The following SLC9C1 variants were observed in gnomAD, a reference collection of about 807,000 sequenced individuals.
SLC9C1 encodes the protein sodium/hydrogen exchanger 10.
Under a neutral mutation model 140.9 loss-of-function variants are expected in SLC9C1, and 97 were observed. The observed-to-expected ratio is 0.69, with a 90% CI of 0.58 to 0.82. The LOEUF (loss-of-function observed/expected upper bound fraction) is 0.82. Among genes scored for constraint, SLC9C1 ranks in the 40% least tolerant of loss-of-function variants. The pLI is 0.00. For missense variants in SLC9C1, 1,340 were observed against 1,389.3 expected (o/e 0.96, Z 0.56); for synonymous variants, 440 against 442.6 (o/e 0.99, Z 0.07).
chr3:112,222,755 G>A (rs1046949683), intron 13 of SLC9C1, among the ~76,000 whole-genome samples: 1 of 152,092 alleles, frequency 6.6e-6, no homozygotes, highest in Non-Finnish European at 1.5e-5. Flanking sequence ...GTGACTAAAA[G>A]ACATGGCCTC....
At chr3:112,257,559 T>C (rs1198935726) in intron 10 of SLC9C1, among the ~76,000 whole-genome samples, 1 of 152,154 alleles carries the variant, frequency 6.6e-6, no homozygotes, top group South Asian at 2.1e-4. Context: ...TCAAGATAGA[T>C]TAAAGACTTA....
chr3:112,157,212 A>G (rs2075150473), intron 26 of SLC9C1, among the ~76,000 whole-genome samples: 1 of 151,790 alleles, frequency 6.6e-6, no homozygotes, highest in Non-Finnish European at 1.5e-5. Context: ...AATAGATGGG[A>G]AACTTGTTTC....
intron 26 of SLC9C1, among the ~76,000 whole-genome samples, chr3:112,157,415 A>G (rs575807834): frequency 4.6e-5 from 7 of 152,166 alleles, no homozygotes; most frequent in South Asian, 4.1e-4. Context: ...TATTTTGGTA[A>G]TTGTAGCTTT....
At chr3:112,270,235 C>A (rs1456785146) in intron 6 of SLC9C1, among the ~76,000 whole-genome samples, 158 bp from the exon 7 acceptor site, 1 of 152,174 alleles carries the variant, frequency 6.6e-6, no homozygotes, top group African/African-American at 2.4e-5. Context: ...ATATTGATTT[C>A]AATTCCTTTG....
chr3:112,286,979 G>T, intron 1 of SLC9C1, 101 bp from the exon 2 acceptor site: 2 of 443,594 alleles, frequency 4.5e-6, no homozygotes, highest in East Asian at 3.7e-5. Context: ...GATTTCTCGT[G>T]GTCTGCCAAA....
intron 7 of SLC9C1, among the ~76,000 whole-genome samples, chr3:112,269,388 G>T (rs1482897649): frequency 3.9e-5 from 6 of 152,168 alleles, no homozygotes; most frequent in Non-Finnish European, 7.3e-5. Flanking sequence ...AGGATTATAG[G>T]CATAAGCCAC....
At chr3:112,289,424 TTACTA>T (rs1181886233) in intron 1 of SLC9C1, among the ~76,000 whole-genome samples, 1 of 152,110 alleles carries the variant, frequency 6.6e-6, no homozygotes, top group African/African-American at 2.4e-5. Flanking sequence ...CAATAAAACT[TTACTA>T]TAAGGAGGGT....
intron 10 of SLC9C1, among the ~76,000 whole-genome samples, chr3:112,260,626 C>T (rs554337640): frequency 1.3e-5 from 2 of 152,176 alleles, no homozygotes; most frequent in African/African-American, 4.8e-5. Context: ...CCTACTAAGG[C>T]GTGATTCTAG....
rs143735860 is a variant in SLC9C1 at position 112,173,341 on chromosome 3, C to T, written c.2920-4013G>A. 4.7e-4 allele frequency among the ~76,000 whole-genome samples: 72 copies of T among 152,216 alleles called. No individual in the cohort carries two copies. The East Asian group carries it at 0.012, about 25-fold the overall frequency. ...TTTGTTATATAGGTAAATTACATTT[C>T]GCAGGGATCTGGTGTACAGATCATT... On this transcript the variant is annotated intron_variant, in intron 23 of 28. Transcript: ENST00000305815.
intron 23 of SLC9C1, among the ~76,000 whole-genome samples, chr3:112,170,183 A>T (rs769941775): frequency 6.6e-6 from 1 of 152,188 alleles, no homozygotes; most frequent in Non-Finnish European, 1.5e-5. Context: ...CACAAAAATA[A>T]ATAAATAATC....
intron 13 of SLC9C1, among the ~76,000 whole-genome samples, chr3:112,222,457 A>C (rs926078577): frequency 6.6e-6 from 1 of 152,162 alleles, no homozygotes; most frequent in Non-Finnish European, 1.5e-5. Context: ...AATAGCACAA[A>C]ATCAATGATC....
chr3:112,161,573 A>T (rs1447844037), intron 26 of SLC9C1, among the ~76,000 whole-genome samples: 8 of 152,118 alleles, frequency 5.3e-5, no homozygotes. Flanking sequence ...CAAAGATCAG[A>T]TAGTTGTAGA....
intron 26 of SLC9C1, among the ~76,000 whole-genome samples, chr3:112,161,587 G>A (rs1473936439): frequency 6.6e-6 from 1 of 152,040 alleles, no homozygotes; most frequent in Non-Finnish European, 1.5e-5. Flanking sequence ...TTGTAGATAT[G>A]TGGCGTTATT....
chr3:112,272,866 A>G (rs2080114154), intron 6 of SLC9C1, among the ~76,000 whole-genome samples: 1 of 152,214 alleles, frequency 6.6e-6, no homozygotes, highest in Admixed American at 6.5e-5. Context: ...CATAGTACAT[A>G]TTAATAAATA....
At chr3:112,289,627 A>G (rs1329250160) in intron 1 of SLC9C1, among the ~76,000 whole-genome samples, 1 of 152,206 alleles carries the variant, frequency 6.6e-6, no homozygotes, top group Non-Finnish European at 1.5e-5. Context: ...GGAGAACAAC[A>G]TTGGCGCAGC....
chr3:112,152,032 C>T (rs1379695189), intron 27 of SLC9C1, 69 bp from the exon 28 acceptor site: 7 of 1,212,026 alleles, frequency 5.8e-6, no homozygotes, highest in Admixed American at 2.7e-5. Context: ...CCCCTCCACA[C>T]CTGTGGGTAT....
chr3:112,178,039 T>C (rs1006896396), intron 23 of SLC9C1, among the ~76,000 whole-genome samples: 1 of 152,010 alleles, frequency 6.6e-6, no homozygotes, highest in African/African-American at 2.4e-5. Flanking sequence ...TTATAATTGG[T>C]TTGTTCAAAT....
intron 19 of SLC9C1, 95 bp from the exon 20 acceptor site, chr3:112,199,564 A>G: frequency 1.1e-6 from 1 of 937,520 alleles, no homozygotes; most frequent in Non-Finnish European, 1.5e-6. Flanking sequence ...AAACCCATGG[A>G]ATACCGCCCT....
intron 28 of SLC9C1, among the ~76,000 whole-genome samples, chr3:112,150,463 T>A (rs937502078): frequency 6.6e-6 from 1 of 152,066 alleles, no homozygotes; most frequent in East Asian, 1.9e-4. Context: ...GTAGATACTG[T>A]CATGGGAGTG....
Sources: gnomAD v4.1 joint callset for allele counts (sites outside exome capture counted in the v4.1 genomes callset) on GRCh38, gnomAD v4.1.1 for gene constraint, MANE v1.5 for transcripts, NCBI Gene and HGNC (gene_info 2026-07-23, HGNC 2026-07-21) for gene names.